Variants in WWC1 observed in about 807,000 individuals in gnomAD.
The protein encoded by WWC1 is protein KIBRA.
In WWC1, 55 loss-of-function variants were observed where a neutral mutation model predicts 138.4. The ratio of observed to expected loss-of-function variants is 0.40; its 90% CI spans 0.32 to 0.50. WWC1 has a LOEUF of 0.50. Ranked by LOEUF, WWC1 falls within the 20% of genes least tolerant of loss-of-function variation. The probability of loss-of-function intolerance (pLI) is 0.72; values close to 1 mark genes in which losing one functional copy is unlikely to be tolerated. For synonymous variants in WWC1, 524 were observed against 564.9 expected, an observed-to-expected ratio of 0.93 and a Z score of 1.03; for missense variants, 1,226 against 1,420.4, an observed-to-expected ratio of 0.86 and a Z score of 2.20.
intron 16 of WWC1, among the ~76,000 whole-genome samples, chr5:168,443,488 CA>C: frequency 6.6e-6 from 1 of 152,116 alleles, no homozygotes; most frequent in Non-Finnish European, 1.5e-5. Flanking sequence ...TCTCTCACTC[CA>C]AAAGGAGACT....
In WWC1 at chr5:168,397,734, TTCATCA is replaced by T. The variant is rs780494772; in HGVS notation, c.447_452del (p.Ser152_Ser153del). Reference sequence around the variant, plus strand: ...CTTTTTTCCTTACAGTGGTCTCTGGTTCATCATCCAGCTCCAAGTATGACCCTGAGA... The same window carrying T: ...CTTTTTTCCTTACAGTGGTCTCTGGTTCCAGCTCCAAGTATGACCCTGAGA... On this transcript the variant is annotated inframe_deletion, in exon 4 of 23. Transcript: ENST00000265293. 24 of 1,613,964 alleles carry T rather than the reference TTCATCA, an allele frequency of 1.5e-5. No homozygotes were observed. The highest frequency in any genetic ancestry group is 6.7e-5 in the Admixed American group (4 of 60,010).
intron 5 of WWC1, among the ~76,000 whole-genome samples, chr5:168,403,068 T>TTCTC (rs775278149): frequency 6.9e-4 from 78 of 113,258 alleles, no homozygotes; most frequent in Non-Finnish European, 1.3e-3. Flanking sequence ...CTTTCTTTCT[T>TTCTC]TCTTTCTTTC....
intron 3 of WWC1, among the ~76,000 whole-genome samples, chr5:168,393,945 T>A (rs551872296): frequency 1.3e-5 from 2 of 152,214 alleles, no homozygotes; most frequent in East Asian, 3.9e-4. Flanking sequence ...GGAAAAAAAG[T>A]GCTGAAAAGT....
At chr5:168,460,587 T>C in intron 19 of WWC1, 63 bp from the exon 20 acceptor site, 1 of 1,540,936 alleles carries the variant, frequency 6.5e-7, no homozygotes, top group South Asian at 1.1e-5. Context: ...CCCTCTAGGC[T>C]TCAGTGCACC....
intron 8 of WWC1, among the ~76,000 whole-genome samples, chr5:168,413,305 G>C (rs1399103959): frequency 6.6e-6 from 1 of 152,194 alleles, no homozygotes; most frequent in African/African-American, 2.4e-5. Context: ...AGTCCTAAAG[G>C]ATGATGTCAT....
intron 19 of WWC1, among the ~76,000 whole-genome samples, chr5:168,456,033 C>G (rs1443768810): frequency 1.3e-5 from 2 of 152,232 alleles, no homozygotes; most frequent in Non-Finnish European, 2.9e-5. Flanking sequence ...GATGCAGTGT[C>G]TCATGCCTGT....
In WWC1 at chr5:168,431,418, G is replaced by A. The variant is rs766871020; in HGVS notation, c.2254G>A (p.Asp752Asn). 5 of 1,612,962 alleles carry A rather than the reference G, an allele frequency of 3.1e-6. No individual in the cohort carries two copies. The highest frequency in any genetic ancestry group is 1.1e-5 in the South Asian group (1 of 90,930). Reference protein sequence around the residue: ...KTLRVDVCTTDRSHLEECLGG... With the variant: ...KTLRVDVCTTNRSHLEECLGG... ...CTTAAGAGTCGATGTCTGTACCACCGACAGGAGCCATCTGGAAGAGTGCCT... is the reference window on the plus strand; with the variant it reads ...CTTAAGAGTCGATGTCTGTACCACCAACAGGAGCCATCTGGAAGAGTGCCT... The change falls in exon 15 of 23, where the codon GAC becomes AAC. Residue 752 changes from aspartate (D) to asparagine (N), a missense_variant. By Grantham distance (23) the Asp-to-Asn change is conservative. Transcript: ENST00000265293.
At chr5:168,338,081 T>C (rs1372817048) in intron 1 of WWC1, among the ~76,000 whole-genome samples, 2 of 151,954 alleles carry the variant, frequency 1.3e-5, no homozygotes, top group Non-Finnish European at 2.9e-5. Flanking sequence ...GAGGCCAAGG[T>C]GGGCAGATCA....
At chr5:168,398,585 AT>A (rs1297755090) in intron 4 of WWC1, among the ~76,000 whole-genome samples, 3 of 152,220 alleles carry the variant, frequency 2.0e-5, no homozygotes, top group Non-Finnish European at 4.4e-5. Context: ...AAATATTAGT[AT>A]TTCCATTTTA....
At chr5:168,363,524 CAAAAAAAAAA>C (rs386405611) in intron 1 of WWC1, among the ~76,000 whole-genome samples, 12 of 65,790 alleles carry the variant, frequency 1.8e-4, no homozygotes, top group Admixed American at 4.5e-4. Context: ...GACTCTGTCT[CAAAAAAAAAA>C]AAAAAAAAAA....
chr5:168,450,812 T>C (rs1033643471), intron 17 of WWC1, among the ~76,000 whole-genome samples: 1 of 151,938 alleles, frequency 6.6e-6, no homozygotes, highest in Non-Finnish European at 1.5e-5. Context: ...GTACAAACTA[T>C]AAAAGAAAAA....
chr5:168,312,794 G>C (rs990504404), intron 1 of WWC1, among the ~76,000 whole-genome samples: 4 of 151,300 alleles, frequency 2.6e-5, no homozygotes, highest in Non-Finnish European at 5.9e-5. Flanking sequence ...GGTAGGTCAT[G>C]GGTGACTGGT....
At chr5:168,310,433 ATC>A (rs1770969522) in intron 1 of WWC1, among the ~76,000 whole-genome samples, 1 of 151,258 alleles carries the variant, frequency 6.6e-6, no homozygotes, top group South Asian at 2.1e-4. Context: ...CCATTTCTGT[ATC>A]TCTGAGTATA....
intron 1 of WWC1, among the ~76,000 whole-genome samples, chr5:168,343,147 C>G (rs1774184154): frequency 7.3e-6 from 1 of 136,074 alleles, no homozygotes; most frequent in Non-Finnish European, 1.6e-5. Context: ...TTTGCACAGA[C>G]CATATAATCA....
chr5:168,463,991 G>A (rs956478280), intron 20 of WWC1, among the ~76,000 whole-genome samples: 4 of 152,180 alleles, frequency 2.6e-5, no homozygotes, highest in Non-Finnish European at 5.9e-5. Context: ...CCAGAATTGA[G>A]TATTAATGGC....
intron 12 of WWC1, among the ~76,000 whole-genome samples, 163 bp from the exon 13 acceptor site, chr5:168,428,544 C>G (rs1252404460): frequency 6.6e-6 from 1 of 151,844 alleles, no homozygotes; most frequent in African/African-American, 2.4e-5. Flanking sequence ...ACATAGTGAG[C>G]CCCCATCTCT....
At chr5:168,352,924 C>T (rs1775098573) in intron 1 of WWC1, among the ~76,000 whole-genome samples, 1 of 152,148 alleles carries the variant, frequency 6.6e-6, no homozygotes, top group Admixed American at 6.5e-5. Context: ...TACCATCTCA[C>T]AAGATTGCTG....
chr5:168,448,650 G>A (rs1402256315), intron 17 of WWC1, among the ~76,000 whole-genome samples: 1 of 115,594 alleles, frequency 8.7e-6, no homozygotes, highest in Non-Finnish European at 1.7e-5. Context: ...ACGGAGTCTT[G>A]TTCTGTCACC....
chr5:168,348,526 G>T lies in WWC1; in HGVS notation c.120-22898G>T, dbSNP rs115366812. 2.7e-4 allele frequency among the ~76,000 whole-genome samples: 41 copies of T among 152,336 alleles called. No individual in the cohort carries two copies. In the East Asian group the frequency reaches 7.2e-3, roughly 27 times the overall value. Reference sequence around the variant, plus strand: ...GGGTGGGGTGGAAGCTTGGCTGTGAGCACAGGCCTCCCTTTATCCCACCTT... The same window carrying T: ...GGGTGGGGTGGAAGCTTGGCTGTGATCACAGGCCTCCCTTTATCCCACCTT... On this transcript the variant is annotated intron_variant, in intron 1 of 22. Coordinates refer to ENST00000265293, the MANE Select transcript of WWC1 (RefSeq NM_015238.3).
Sources: allele counts gnomAD v4.1 joint callset (sites outside exome capture counted in the v4.1 genomes callset), GRCh38; gene constraint gnomAD v4.1.1; transcripts MANE v1.5; gene names NCBI Gene and HGNC (gene_info 2026-07-23, HGNC 2026-07-21).